The following CYP7A1 variants were observed in gnomAD, a reference collection of about 807,000 sequenced individuals.
CYP7A1 encodes cytochrome P450 family 7 subfamily A member 1.
CYP7A1 carries 28 observed loss-of-function variants against 43.8 expected under a neutral mutation model. The observed-to-expected ratio is 0.64, with a 90% CI of 0.47 to 0.88. CYP7A1 has a LOEUF of 0.88. Among genes scored for constraint, CYP7A1 ranks in the 40% least tolerant of loss-of-function variants. The probability of loss-of-function intolerance (pLI) is 0.00; values close to 1 mark genes in which losing one functional copy is unlikely to be tolerated. For missense variants in CYP7A1, 637 were observed against 611.9 expected (o/e 1.04, Z -0.43); for synonymous variants, 227 against 222.5 (o/e 1.02, Z -0.18).
chr8:58,492,691 G>A (rs1462807856), intron 4 of CYP7A1, among the ~76,000 whole-genome samples, 163 bp from the exon 5 acceptor site: 4 of 152,184 alleles, frequency 2.6e-5, no homozygotes, highest in African/African-American at 9.7e-5. Flanking sequence ...AAGCTGATCA[G>A]ATAAAAATTT....
intron 3 of CYP7A1, 81 bp downstream of exon 3, chr8:58,496,523 G>C: frequency 8.9e-7 from 1 of 1,119,822 alleles, no homozygotes; most frequent in Non-Finnish European, 1.3e-6. Context: ...GTACTACGAG[G>C]CTTTTTTTCT....
At chr8:58,495,507 C>G (rs1288788151) in intron 3 of CYP7A1, among the ~76,000 whole-genome samples, 1 of 152,136 alleles carries the variant, frequency 6.6e-6, no homozygotes, top group Non-Finnish European at 1.5e-5. Flanking sequence ...GGATTACAGG[C>G]GTGAGCCATT....
chr8:58,499,972 T>C (rs762903208), intron 1 of CYP7A1, 47 bp downstream of exon 1: 2 of 1,505,578 alleles, frequency 1.3e-6, no homozygotes, highest in South Asian at 2.3e-5. Context: ...GGTAAAAAAA[T>C]TAAATGGATG....
chr8:58,496,474 A>T, intron 3 of CYP7A1, 130 bp downstream of exon 3: 1 of 684,942 alleles, frequency 1.5e-6, no homozygotes, highest in Non-Finnish European at 2.5e-6. Context: ...AAACACTAAC[A>T]TGCATTAGTG....
At chr8:58,493,986 C>A (rs113073038) in intron 4 of CYP7A1, among the ~76,000 whole-genome samples, 2 of 151,956 alleles carry the variant, frequency 1.3e-5, no homozygotes, top group Admixed American at 6.6e-5. Context: ...GGCAACAGAA[C>A]AAGACTTTGT....
In CYP7A1 at chr8:58,490,945, G is replaced by A. The variant is rs999754143; in HGVS notation, c.*530C>T. ...TTTGAACATTTTTTCATAATTGTCAGGCAGTTTTATAAAAATAAAGCAGTT... is the reference window on the plus strand; with the variant it reads ...TTTGAACATTTTTTCATAATTGTCAAGCAGTTTTATAAAAATAAAGCAGTT... On this transcript the variant is annotated 3_prime_UTR_variant, in exon 6 of 6. Transcript: ENST00000301645. 2.0e-5 allele frequency: 3 copies of A among 153,422 alleles called. No individual in the cohort carries two copies. The highest frequency in any genetic ancestry group is 1.9e-4 in the Admixed American group (3 of 15,508). 9.5% of individuals were successfully genotyped at this position (153,422 alleles called of 1,614,324 possible). A position where few individuals can be genotyped will look rare whatever the true frequency, so the allele number is the denominator to read the frequency against.
chr8:58,499,347 C>T (rs891306162), intron 1 of CYP7A1, among the ~76,000 whole-genome samples: 2 of 152,120 alleles, frequency 1.3e-5, no homozygotes, highest in Non-Finnish European at 2.9e-5. Context: ...TATATGCCTC[C>T]CCACAATTAC....
At chr8:58,496,547 G>T in intron 3 of CYP7A1, 57 bp downstream of exon 3, 2 of 1,422,904 alleles carry the variant, frequency 1.4e-6, no homozygotes, top group Non-Finnish European at 2.0e-6. Context: ...AGTTAAAGTG[G>T]TTTAATTTCT....
At position 58,492,590 on chromosome 8, in the gene CYP7A1, G is replaced by A. The variant is rs540410934; in HGVS notation, c.1040-62C>T. 149 of 1,401,732 alleles carry A rather than the reference G, an allele frequency of 1.1e-4. No homozygotes were observed. The East Asian group carries it at 3.6e-3, about 34-fold the overall frequency. The allele number at this position is 1,401,732 out of a possible 1,614,324, so 86.8% of individuals were successfully genotyped here. A position where few individuals can be genotyped will look rare whatever the true frequency, so the allele number is the denominator to read the frequency against. Reference sequence around the variant, plus strand: ...AGAAGGAAGGGAGGAAGGAAGAGAAGAACAAACCAAGTGTTTGAAGGTCAT... The same window carrying A: ...AGAAGGAAGGGAGGAAGGAAGAGAAAAACAAACCAAGTGTTTGAAGGTCAT... On this transcript the variant is annotated intron_variant, in intron 4 of 5. Transcript: ENST00000301645.
intron 4 of CYP7A1, 38 bp downstream of exon 4, chr8:58,494,468 A>G: frequency 6.2e-7 from 1 of 1,603,974 alleles, no homozygotes. Context: ...AAGTAGTAGG[A>G]CATAGAAAAT....
intron 2 of CYP7A1, among the ~76,000 whole-genome samples, 159 bp downstream of exon 2, chr8:58,498,064 AAGAAGC>A (rs1325639838): frequency 2.6e-5 from 4 of 152,230 alleles, no homozygotes; most frequent in African/African-American, 9.6e-5. Flanking sequence ...GATTATTACT[AAGAAGC>A]TACGTATAAT....
Position 58,491,619 on chromosome 8 carries a change from A to C in CYP7A1, c.1371T>G (p.Phe457Leu). The change falls in exon 6 of 6, where the codon TTT (phenylalanine) becomes TTG (leucine). Residue 457 changes from phenylalanine (F) to leucine (L), a missense_variant. Physicochemically the swap from Phe to Leu is conservative, Grantham distance 22 (BLOSUM62 0). Transcript: ENST00000301645. ...CAAAATAAGAAAGCATCAGAATCAAAAATTGCTTGATTTCGTGGATAGCGA... is the reference window on the plus strand; with the variant it reads ...CAAAATAAGAAAGCATCAGAATCAACAATTGCTTGATTTCGTGGATAGCGA... Reference protein sequence around the residue: ...RLFAIHEIKQFLILMLSYFEL... With the variant: ...RLFAIHEIKQLLILMLSYFEL... 1 of 1,614,220 alleles carries C rather than the reference A, an allele frequency of 6.2e-7. No homozygotes were observed. The highest frequency in any genetic ancestry group is 1.1e-5 in the South Asian group (1 of 91,084).
At chr8:58,497,211 C>A in intron 2 of CYP7A1, 21 bp from the exon 3 acceptor site, 1 of 1,585,094 alleles carries the variant, frequency 6.3e-7, no homozygotes, top group Non-Finnish European at 8.6e-7. Context: ...ATAAAACATG[C>A]AGAAAAAGAA....
rs1183620680 is a variant in CYP7A1 at position 58,496,749 on chromosome 8, C to T, written c.763G>A (p.Glu255Lys). 1.2e-6 allele frequency: 2 copies of T among 1,614,084 alleles called. No homozygotes were observed. Among genetic ancestry groups the T allele is most frequent in the Admixed American group, 3.3e-5 (2 of 60,012 alleles). Residue 255 changes from glutamate to lysine, a missense_variant, in exon 3 of 6, where the codon GAA becomes AAA. By Grantham distance (56) the Glu-to-Lys change is moderately conservative. Coordinates refer to ENST00000301645, the MANE Select transcript of CYP7A1 (RefSeq NM_000780.4). Reference protein sequence around the residue: ...ENLQKRESISELISLRMFLND... With the variant: ...ENLQKRESISKLISLRMFLND... ...AGAAACATGCGCAGGCTGATCAGTTCTGAGATGCTTTCCCTCTTTTGGAGG... is the reference window on the plus strand; with the variant it reads ...AGAAACATGCGCAGGCTGATCAGTTTTGAGATGCTTTCCCTCTTTTGGAGG...
chr8:58,499,932 A>G, intron 1 of CYP7A1, 87 bp downstream of exon 1: 1 of 1,102,588 alleles, frequency 9.1e-7, no homozygotes, highest in Non-Finnish European at 1.4e-6. Flanking sequence ...GTGTAAGTAT[A>G]GAAAACCAAA....
In CYP7A1 at chr8:58,490,774, G is replaced by A. The variant is rs536288411; in HGVS notation, c.*701C>T. 1 of 152,230 alleles carries A rather than the reference G, an allele frequency of 6.6e-6. No homozygotes were observed. The highest frequency in any genetic ancestry group is 2.1e-4 in the South Asian group (1 of 4,824). The allele number at this position is 152,230 out of a possible 1,614,324, so 9.4% of individuals were successfully genotyped here. Reference sequence around the variant, plus strand: ...ATCATGTTTAAAGCCCTGAATTTTGGATATAGAAGAAGTTGAAAAATATTT... The same window carrying A: ...ATCATGTTTAAAGCCCTGAATTTTGAATATAGAAGAAGTTGAAAAATATTT... On this transcript the variant is annotated 3_prime_UTR_variant, in exon 6 of 6. Transcript: ENST00000301645.
intron 4 of CYP7A1, 112 bp downstream of exon 4, chr8:58,494,394 T>G: frequency 1.7e-6 from 2 of 1,166,668 alleles, no homozygotes; most frequent in Non-Finnish European, 2.5e-6. Flanking sequence ...AAAACTCATA[T>G]GAAATATTTA....
Position 58,490,762 on chromosome 8 carries a change from C to T in CYP7A1, c.*713G>A, listed in dbSNP as rs1809337182. 1 of 152,056 alleles carries T rather than the reference C, an allele frequency of 6.6e-6. No individual in the cohort carries two copies. The highest frequency in any genetic ancestry group is 1.5e-5 in the Non-Finnish European group (1 of 68,004). 9.4% of individuals were successfully genotyped at this position (152,056 alleles called of 1,614,324 possible). On this transcript the variant is annotated 3_prime_UTR_variant, in exon 6 of 6. Coordinates refer to ENST00000301645, the MANE Select transcript of CYP7A1 (RefSeq NM_000780.4). The stretch of plus-strand genomic sequence containing the variant: ...GAAATCAAGATAATCATGTTTAAAG[C>T]CCTGAATTTTGGATATAGAAGAAGT...
At position 58,491,542 on chromosome 8, in the gene CYP7A1, C is replaced by T. The variant is rs201171633; in HGVS notation, c.1448G>A (p.Arg483Gln). The change falls in exon 6 of 6, where the codon CGG becomes CAG. Residue 483 changes from arginine to glutamine, a missense_variant. Physicochemically the swap from Arg to Gln is conservative, Grantham distance 43. Coordinates refer to ENST00000301645, the MANE Select transcript of CYP7A1 (RefSeq NM_000780.4). ...TGGCGGCAAAATGCCCAAGCCTGCCCGGGACTGGTCCAAAGGTGGACATTT... is the reference window on the plus strand; with the variant it reads ...TGGCGGCAAAATGCCCAAGCCTGCCTGGGACTGGTCCAAAGGTGGACATTT... ...QAKCPPLDQS[R>Q]AGLGILPPLN... The T allele has an allele frequency of 2.3e-5, 37 of 1,614,106 alleles. No individual in the cohort carries two copies. Among genetic ancestry groups the T allele is most frequent in the Admixed American group, 1.7e-4 (10 of 60,016 alleles).
Sources: gnomAD v4.1 joint callset for allele counts (sites outside exome capture counted in the v4.1 genomes callset) on GRCh38, gnomAD v4.1.1 for gene constraint, MANE v1.5 for transcripts, NCBI Gene and HGNC (gene_info 2026-07-23, HGNC 2026-07-21) for gene names.